CBFB: variants seen among roughly 807,000 people sequenced by gnomAD.
CBFB encodes CBF-beta.
A neutral mutation model predicts 30.4 loss-of-function variants in CBFB; 9 were observed. The observed-to-expected ratio is 0.30, with a 90% confidence interval of 0.18 to 0.52. The LOEUF (loss-of-function observed/expected upper bound fraction) is 0.52, where lower values mean the gene tolerates loss of function less well. Among genes scored for constraint, CBFB ranks in the 20% least tolerant of loss-of-function variants. The pLI is 0.97. For synonymous variants in CBFB, 94 were observed against 84.0 expected (o/e 1.12, Z -0.65); for missense variants, 170 against 244.0 (o/e 0.70, Z 2.02).
intron 3 of CBFB, among the ~76,000 whole-genome samples, chr16:67,039,439 T>C (rs1439973073): frequency 6.6e-6 from 1 of 152,204 alleles, no homozygotes; most frequent in Non-Finnish European, 1.5e-5. Context: ...CTGTAGATTA[T>C]ATAAACATAG....
intron 3 of CBFB, among the ~76,000 whole-genome samples, chr16:67,055,398 G>A (rs557400565): frequency 4.6e-5 from 5 of 109,822 alleles, no homozygotes; most frequent in East Asian, 2.5e-4. Context: ...ACGGAGTCTC[G>A]CTCTGTCGCC....
At chr16:67,036,984 C>T (rs916887445) in intron 3 of CBFB, among the ~76,000 whole-genome samples, 3 of 151,930 alleles carry the variant, frequency 2.0e-5, no homozygotes, top group East Asian at 1.9e-4. Flanking sequence ...CTGCAATCTC[C>T]GCCTTCCAGT....
chr16:67,049,595 A>T (rs2145729040), intron 3 of CBFB, among the ~76,000 whole-genome samples: 1 of 152,050 alleles, frequency 6.6e-6, no homozygotes, highest in East Asian at 1.9e-4. Context: ...CCCAGGCTCA[A>T]GCGATTCTTC....
chr16:67,097,584 A>T (rs1962090263), intron 5 of CBFB, among the ~76,000 whole-genome samples: 2 of 151,736 alleles, frequency 1.3e-5, no homozygotes, highest in Non-Finnish European at 2.9e-5. Flanking sequence ...ATATAAGTGC[A>T]CCCAGGACTC....
intron 2 of CBFB, among the ~76,000 whole-genome samples, chr16:67,032,699 A>G (rs1434729473): frequency 6.6e-6 from 1 of 152,158 alleles, no homozygotes; most frequent in Admixed American, 6.5e-5. Context: ...AATGCCTGAA[A>G]TTTATCTCAT....
In CBFB at chr16:67,084,780, C is replaced by T. The variant is rs143135114; in HGVS notation, c.495+2472C>T. ...GTGTGCATACGTGTGTGTGTGTGTG[C>T]GTGCATGGGTGCAGACAGTGGCTAA... On this transcript the variant is annotated intron_variant, in intron 5 of 5. Coordinates refer to ENST00000412916, the MANE Select transcript of CBFB (RefSeq NM_022845.3). Among the ~76,000 whole-genome samples the T allele has an allele frequency of 5.9e-3, 868 of 147,988 alleles. 3 individuals are homozygous for T. Among genetic ancestry groups the T allele is most frequent in the African/African-American group, 0.02 (811 of 40,204 alleles).
At chr16:67,088,492 G>A (rs1961789749) in intron 5 of CBFB, among the ~76,000 whole-genome samples, 1 of 152,236 alleles carries the variant, frequency 6.6e-6, no homozygotes, top group Middle Eastern at 3.4e-3. Flanking sequence ...ATTTAAACCA[G>A]TTTCCTAACC....
At chr16:67,049,526 ACT>A (rs1966701741) in intron 3 of CBFB, among the ~76,000 whole-genome samples, 1 of 151,210 alleles carries the variant, frequency 6.6e-6, no homozygotes, top group Admixed American at 6.6e-5. Context: ...TTTGAGACAG[ACT>A]CTGTCTCCCA....
chr16:67,052,839 T>C (rs1960595434), intron 3 of CBFB, among the ~76,000 whole-genome samples: 1 of 151,920 alleles, frequency 6.6e-6, no homozygotes, highest in Non-Finnish European at 1.5e-5. Context: ...GATACAGGCC[T>C]GTAGTCCCAG....
chr16:67,030,212 G>C (rs554650054), intron 2 of CBFB: 1 of 172,530 alleles, frequency 5.8e-6, no homozygotes, highest in South Asian at 1.6e-4. Context: ...AGGTAGATCT[G>C]TCGGTAATTC....
intron 3 of CBFB, among the ~76,000 whole-genome samples, chr16:67,038,094 A>T (rs1232507044): frequency 6.6e-6 from 1 of 151,970 alleles, no homozygotes; most frequent in Admixed American, 6.6e-5. Flanking sequence ...TACTCAAAAC[A>T]CCCTTTTGGA....
intron 3 of CBFB, among the ~76,000 whole-genome samples, chr16:67,061,828 T>C (rs1006872011): frequency 4.6e-5 from 7 of 151,948 alleles, no homozygotes; most frequent in Admixed American, 3.9e-4. Flanking sequence ...GGTCAGGAGT[T>C]CAAGACTAGC....
chr16:67,096,063 C>G (rs1002802057), intron 5 of CBFB, among the ~76,000 whole-genome samples: 2 of 150,908 alleles, frequency 1.3e-5, no homozygotes, highest in Admixed American at 6.6e-5. Flanking sequence ...AATCCCAGCA[C>G]TTTGGGGAAG....
rs571989147 is a variant in CBFB at position 67,073,769 on chromosome 16, C to T, written c.399+6971C>T. 3.4e-5 allele frequency among the ~76,000 whole-genome samples: 5 copies of T among 147,476 alleles called. No homozygotes were observed. The East Asian group carries it at 1.0e-3, about 30-fold the overall frequency. On this transcript the variant is annotated intron_variant, in intron 4 of 5. Coordinates refer to ENST00000412916, the MANE Select transcript of CBFB (RefSeq NM_022845.3). ...AAAAACACGAGGCCGGGCGCAGTGG[C>T]TTATGCCTGTAATCCCAGAACTTTG...
chr16:67,047,477 A>C (rs1966648764), intron 3 of CBFB, among the ~76,000 whole-genome samples: 1 of 152,188 alleles, frequency 6.6e-6, no homozygotes, highest in Admixed American at 6.5e-5. Flanking sequence ...AGACAGGTTA[A>C]TCTTCAGATT....
At chr16:67,098,025 G>A (rs1410049145) in intron 5 of CBFB, among the ~76,000 whole-genome samples, 1 of 152,190 alleles carries the variant, frequency 6.6e-6, no homozygotes, top group Non-Finnish European at 1.5e-5. Context: ...ATTACTAAAA[G>A]GAAGAGTTTG....
At chr16:67,054,286 A>C (rs1419862031) in intron 3 of CBFB, among the ~76,000 whole-genome samples, 1 of 152,082 alleles carries the variant, frequency 6.6e-6, no homozygotes, top group East Asian at 1.9e-4. Context: ...TTGAGGTTAG[A>C]GATTATTTTC....
At chr16:67,089,605 A>G (rs1567624841) in intron 5 of CBFB, among the ~76,000 whole-genome samples, 2 of 152,196 alleles carry the variant, frequency 1.3e-5, no homozygotes, top group African/African-American at 4.8e-5. Context: ...GCCCCACTGT[A>G]TAAAACAGTT....
At chr16:67,042,732 TTTTATTTA>T (rs933452040) in intron 3 of CBFB, among the ~76,000 whole-genome samples, 1 of 152,116 alleles carries the variant, frequency 6.6e-6, no homozygotes, top group South Asian at 2.1e-4. Flanking sequence ...CCACCATGCC[TTTTATTTA>T]TTTATTTATT....
Sources: gnomAD v4.1 joint callset for allele counts (sites outside exome capture counted in the v4.1 genomes callset) on GRCh38, gnomAD v4.1.1 for gene constraint, MANE v1.5 for transcripts, NCBI Gene and HGNC (gene_info 2026-07-23, HGNC 2026-07-21) for gene names.